Variants in TTC28 observed in about 807,000 individuals in gnomAD.
The protein encoded by TTC28 is tetratricopeptide repeat protein 28.
Under a neutral mutation model 198.0 loss-of-function variants are expected in TTC28, and 61 were observed. That is an observed-to-expected ratio of 0.31 (90% CI 0.25 to 0.38). The LOEUF is 0.38. Ranked by LOEUF, TTC28 falls within the 10% of genes least tolerant of loss-of-function variation. TTC28 has a pLI of 1.00. For synonymous variants in TTC28, 1,171 were observed against 1,297.8 expected (o/e 0.90, Z 2.10); for missense variants, 2,678 against 3,164.0 (o/e 0.85, Z 3.69).
chr22:28,325,785 A>C (rs1450256518), intron 2 of TTC28, among the ~76,000 whole-genome samples: 1 of 152,164 alleles, frequency 6.6e-6, no homozygotes, highest in East Asian at 1.9e-4. Context: ...TTAAACTATA[A>C]TAGAATACCA....
rs561866530 is a variant in TTC28, at chr22:28,623,890, G to T, written c.381+5662C>A. ...AAATTTGTAAGATGCAGCAAAAACA[G>T]TGCTTAAAGAGAAATATTCAGCTAT... On this transcript the variant is annotated intron_variant, in intron 2 of 22. Transcript: ENST00000397906. Among the ~76,000 whole-genome samples the T allele has an allele frequency of 4.2e-4, 64 of 151,912 alleles. 1 individual carries two copies. The South Asian group carries it at 8.3e-3, about 20-fold the overall frequency.
intron 2 of TTC28, among the ~76,000 whole-genome samples, chr22:28,332,074 T>C (rs2145876298): frequency 6.6e-6 from 1 of 152,232 alleles, no homozygotes; most frequent in South Asian, 2.1e-4. Flanking sequence ...GCTCTGATTC[T>C]GCAGCTTATC....
At chr22:28,076,051 T>C (rs1233175965) in intron 12 of TTC28, among the ~76,000 whole-genome samples, 1 of 152,212 alleles carries the variant, frequency 6.6e-6, no homozygotes, top group East Asian at 1.9e-4. Context: ...AGAATGAAAT[T>C]GGAAACTCTT....
At chr22:28,166,491 T>A (rs1212250853) in intron 5 of TTC28, among the ~76,000 whole-genome samples, 1 of 152,172 alleles carries the variant, frequency 6.6e-6, no homozygotes, top group Non-Finnish European at 1.5e-5. Flanking sequence ...CACAGTGCAA[T>A]CAAACTAGAA....
At chr22:28,561,442 T>C (rs1207967598) in intron 2 of TTC28, among the ~76,000 whole-genome samples, 1 of 152,160 alleles carries the variant, frequency 6.6e-6, no homozygotes, top group African/African-American at 2.4e-5. Context: ...TTACTGAAAA[T>C]ATACTTTATA....
intron 2 of TTC28, among the ~76,000 whole-genome samples, chr22:28,629,101 A>G (rs2051125667): frequency 1.3e-5 from 2 of 152,130 alleles, no homozygotes; most frequent in Non-Finnish European, 2.9e-5. Context: ...ACAGATAATT[A>G]CAATGCTTTA....
intron 2 of TTC28, among the ~76,000 whole-genome samples, chr22:28,612,151 A>G (rs2050829693): frequency 6.6e-6 from 1 of 152,148 alleles, no homozygotes; most frequent in South Asian, 2.1e-4. Context: ...GCAAATGGAG[A>G]GCAAAAAAAA....
At chr22:28,355,894 GAGA>G (rs1045191651) in intron 2 of TTC28, among the ~76,000 whole-genome samples, 16 of 152,218 alleles carry the variant, frequency 1.1e-4, no homozygotes, top group African/African-American at 3.9e-4. Context: ...CTGCAGCGGG[GAGA>G]AGATAGCCAA....
At chr22:28,171,024 A>T (rs1922626305) in intron 5 of TTC28, among the ~76,000 whole-genome samples, 1 of 150,428 alleles carries the variant, frequency 6.6e-6, no homozygotes, top group Admixed American at 6.6e-5. Flanking sequence ...AAAAGCATGC[A>T]AACCCTTTTT....
chr22:28,196,389 A>G (rs565156896), intron 5 of TTC28, among the ~76,000 whole-genome samples: 50 of 152,206 alleles, frequency 3.3e-4, no homozygotes, highest in Admixed American at 7.2e-4. Context: ...CAAGGACTTC[A>G]TGTCTAAAAC....
At chr22:28,655,466 C>T (rs1161526289) in intron 1 of TTC28, among the ~76,000 whole-genome samples, 1 of 152,146 alleles carries the variant, frequency 6.6e-6, no homozygotes, top group Non-Finnish European at 1.5e-5. Flanking sequence ...TTATGGTAGT[C>T]TAATTCAATA....
chr22:28,438,185 A>T (rs887965258), intron 2 of TTC28, among the ~76,000 whole-genome samples: 1 of 152,236 alleles, frequency 6.6e-6, no homozygotes, highest in African/African-American at 2.4e-5. Flanking sequence ...GAATAATATA[A>T]TAATACCAAC....
In TTC28 at chr22:28,296,146, C is replaced by T. The variant is rs2044890291; in HGVS notation, c.933+52G>A. On this transcript the variant is annotated intron_variant, in intron 5 of 22. Transcript: ENST00000397906. Reference sequence around the variant, plus strand: ...TTGTTTTTAACAGAAAATAGAGCTCCACATTTCCAAAAGAAAAAAAAATGT... The same window carrying T: ...TTGTTTTTAACAGAAAATAGAGCTCTACATTTCCAAAAGAAAAAAAAATGT... The T allele has an allele frequency of 5.3e-6, 8 of 1,509,352 alleles. No homozygotes were observed. The East Asian group carries it at 2.0e-4, about 37-fold the overall frequency. The allele number at this position is 1,509,352 out of a possible 1,614,324, so 93.5% of individuals were successfully genotyped here.
chr22:28,188,829 A>C (rs1174260140), intron 5 of TTC28, among the ~76,000 whole-genome samples: 4 of 152,272 alleles, frequency 2.6e-5, no homozygotes, highest in African/African-American at 7.2e-5. Context: ...AATAAGAAAA[A>C]GCTCACCATC....
intron 5 of TTC28, among the ~76,000 whole-genome samples, chr22:28,283,302 C>A (rs75340029): frequency 6.8e-6 from 1 of 147,372 alleles, no homozygotes; most frequent in African/African-American, 2.5e-5. Context: ...AAAATAATTA[C>A]CTCAACTACA....
chr22:28,542,485 T>C (rs1279351917), intron 2 of TTC28, among the ~76,000 whole-genome samples: 2 of 152,170 alleles, frequency 1.3e-5, no homozygotes, highest in Non-Finnish European at 2.9e-5. Context: ...ATCATGATAA[T>C]TGTTACCTAA....
In TTC28 at chr22:28,075,089, A is replaced by G. The variant is rs542606183; in HGVS notation, c.3932+18991T>C. On this transcript the variant is annotated intron_variant, in intron 12 of 22. Transcript: ENST00000397906. ...GATAACAGAGAGAGATTCTGTCTCA[A>G]TAAATAAATAAATAAATAATAAAAT... Among the ~76,000 whole-genome samples the G allele has an allele frequency of 2.5e-3, 331 of 129,818 alleles. 2 individuals carry two copies. In the South Asian group the frequency reaches 0.034, roughly 13 times the overall value. 85.2% of individuals were successfully genotyped at this position (129,818 alleles called of 152,430 possible). A position where few individuals can be genotyped will look rare whatever the true frequency, so the allele number is the denominator to read the frequency against.
chr22:28,530,514 A>G (rs1297796550), intron 2 of TTC28, among the ~76,000 whole-genome samples: 1 of 152,214 alleles, frequency 6.6e-6, no homozygotes, highest in African/African-American at 2.4e-5. Context: ...AACTTCCCCA[A>G]CCTAGCAAGG....
intron 14 of TTC28, among the ~76,000 whole-genome samples, chr22:28,004,398 C>T (rs971545186): frequency 4.6e-5 from 7 of 152,176 alleles, no homozygotes; most frequent in African/African-American, 1.7e-4. Context: ...AGAGAAGAGA[C>T]AAGGAGACTT....
Sources: gnomAD v4.1 joint callset for allele counts (sites outside exome capture counted in the v4.1 genomes callset) on GRCh38, gnomAD v4.1.1 for gene constraint, MANE v1.5 for transcripts, NCBI Gene and HGNC (gene_info 2026-07-23, HGNC 2026-07-21) for gene names.